Variants in KCNMA1 observed in about 807,000 individuals in gnomAD.
KCNMA1 encodes potassium calcium-activated channel subfamily M alpha 1.
A neutral mutation model predicts 140.0 loss-of-function variants in KCNMA1; 29 were observed. The observed-to-expected ratio is 0.21, with a 90% CI of 0.15 to 0.28. The LOEUF (loss-of-function observed/expected upper bound fraction) is 0.28. Among genes scored for constraint, KCNMA1 ranks in the 10% least tolerant of loss-of-function variants. The pLI is 1.00. For synonymous variants in KCNMA1, 612 were observed against 611.9 expected (o/e 1.00, Z 0.00); for missense variants, 880 against 1,602.2 (o/e 0.55, Z 7.70).
chr10:77,414,636 A>G (rs185318535), intron 1 of KCNMA1, among the ~76,000 whole-genome samples: 1 of 151,688 alleles, frequency 6.6e-6, no homozygotes, highest in Admixed American at 6.6e-5. Flanking sequence ...GATTACAGGC[A>G]CCCACCACCA....
chr10:77,623,927 T>G (rs1046886152), intron 1 of KCNMA1, among the ~76,000 whole-genome samples: 1 of 152,218 alleles, frequency 6.6e-6, no homozygotes, highest in African/African-American at 2.4e-5. Context: ...ATGGCTCCGG[T>G]AGCATAATCG....
intron 1 of KCNMA1, among the ~76,000 whole-genome samples, chr10:77,623,824 C>T (rs189225764): frequency 1.3e-5 from 2 of 152,266 alleles, no homozygotes; most frequent in Admixed American, 1.3e-4. Flanking sequence ...GCAGCAAGTC[C>T]TACACAATTA....
At chr10:77,469,848 CA>C (rs1158100845) in intron 1 of KCNMA1, among the ~76,000 whole-genome samples, 1 of 152,186 alleles carries the variant, frequency 6.6e-6, no homozygotes, top group Admixed American at 6.5e-5. Context: ...TAGCAATTCA[CA>C]ATGGGTTTGA....
chr10:76,995,325 A>T, intron 19 of KCNMA1: 1 of 234,528 alleles, frequency 4.3e-6, no homozygotes, highest in Non-Finnish European at 9.0e-6. Context: ...CTCTTTGTTA[A>T]TAAGTTATGT....
intron 1 of KCNMA1, among the ~76,000 whole-genome samples, chr10:77,591,968 C>G (rs2079317112): frequency 6.7e-6 from 1 of 150,098 alleles, no homozygotes. Context: ...CAGGTCAGGT[C>G]AGATGCTCCA....
intron 5 of KCNMA1, among the ~76,000 whole-genome samples, chr10:77,121,755 C>T (rs1258067196): frequency 6.6e-6 from 1 of 152,146 alleles, no homozygotes; most frequent in Admixed American, 6.5e-5. Context: ...AGAAGGAAAA[C>T]ACATCAAGGA....
At chr10:77,291,287 T>TA (rs1489754174) in intron 2 of KCNMA1, among the ~76,000 whole-genome samples, 1 of 152,222 alleles carries the variant, frequency 6.6e-6, no homozygotes, top group Non-Finnish European at 1.5e-5. Context: ...GAAATGTACT[T>TA]ACGGAACTTT....
chr10:77,233,967 A>G (rs1020167989), intron 3 of KCNMA1, among the ~76,000 whole-genome samples: 3 of 152,226 alleles, frequency 2.0e-5, no homozygotes, highest in Non-Finnish European at 4.4e-5. Context: ...TTAGAACAGT[A>G]TTAATGACAC....
intron 1 of KCNMA1, among the ~76,000 whole-genome samples, chr10:77,608,771 A>T (rs542674515): frequency 1.3e-5 from 2 of 152,184 alleles, no homozygotes; most frequent in Non-Finnish European, 2.9e-5. Flanking sequence ...CATCTCTATC[A>T]AAAAGAACCG....
chr10:77,524,552 G>T (rs1044916335), intron 1 of KCNMA1, among the ~76,000 whole-genome samples: 23 of 152,146 alleles, frequency 1.5e-4, no homozygotes, highest in African/African-American at 5.5e-4. Flanking sequence ...TGCAGAAACC[G>T]CAGCCTGAAT....
chr10:77,006,814 T>C (rs893506795), intron 18 of KCNMA1, among the ~76,000 whole-genome samples: 11 of 152,206 alleles, frequency 7.2e-5, no homozygotes, highest in African/African-American at 2.7e-4. Flanking sequence ...GGTATGAAAG[T>C]GGGCCATGCC....
At chr10:77,109,591 G>A (rs1255772704) in intron 8 of KCNMA1, among the ~76,000 whole-genome samples, 1 of 152,178 alleles carries the variant, frequency 6.6e-6, no homozygotes, top group Non-Finnish European at 1.5e-5. Flanking sequence ...AATACCCCAT[G>A]TGTCCGCTGC....
chr10:76,952,495 G>A (rs1033409277), intron 21 of KCNMA1, among the ~76,000 whole-genome samples: 9 of 152,258 alleles, frequency 5.9e-5, no homozygotes, highest in East Asian at 5.8e-4. Flanking sequence ...CCAGCCTGGC[G>A]ACAGAGCGAG....
At chr10:77,070,493 G>C (rs1926700) in intron 14 of KCNMA1, among the ~76,000 whole-genome samples, 1 of 152,152 alleles carries the variant, frequency 6.6e-6, no homozygotes, top group Non-Finnish European at 1.5e-5. Flanking sequence ...TTGGCTTCCA[G>C]AAATGCTAAT....
rs191263483 is a variant in KCNMA1, at chr10:76,893,552, C to G, written c.3148-1833G>C. Reference sequence around the variant, plus strand: ...GGTCAGGAGTTGGGACCAGGCTGGCCAACGTGGTGAATCCTAGTCTCTACT... The same window carrying G: ...GGTCAGGAGTTGGGACCAGGCTGGCGAACGTGGTGAATCCTAGTCTCTACT... On this transcript the variant is annotated intron_variant, in intron 25 of 27. Coordinates refer to ENST00000286628, the MANE Select transcript of KCNMA1 (RefSeq NM_001161352.2). Among the ~76,000 whole-genome samples the G allele has an allele frequency of 2.7e-3, 403 of 152,022 alleles. 3 individuals are homozygous for G. Among genetic ancestry groups the G allele is most frequent in the African/African-American group, 9.4e-3 (388 of 41,470 alleles).
intron 1 of KCNMA1, among the ~76,000 whole-genome samples, chr10:77,477,631 G>A (rs942109128): frequency 2.6e-5 from 4 of 152,178 alleles, no homozygotes; most frequent in Admixed American, 1.3e-4. Context: ...GAGTTGGGGA[G>A]TGGCACTTTG....
chr10:77,012,286 G>T, intron 17 of KCNMA1: 1 of 1,459,776 alleles, frequency 6.9e-7, no homozygotes, highest in East Asian at 2.5e-5. Flanking sequence ...CAAAGAAACT[G>T]GGAAAAAAGT....
At chr10:77,190,023 A>G (rs1360454328) in intron 3 of KCNMA1, among the ~76,000 whole-genome samples, 1 of 151,844 alleles carries the variant, frequency 6.6e-6, no homozygotes, top group Non-Finnish European at 1.5e-5. Flanking sequence ...CCTTGCCTTC[A>G]TTATTTCATG....
chr10:77,441,114 C>T (rs113469993), intron 1 of KCNMA1, among the ~76,000 whole-genome samples: 9,620 of 152,106 alleles, frequency 0.063, 1,015 homozygotes, highest in African/African-American at 0.22. Flanking sequence ...TGAGCCACCG[C>T]GCCCGGCCAA....
Sources: allele counts gnomAD v4.1 joint callset (sites outside exome capture counted in the v4.1 genomes callset), GRCh38; gene constraint gnomAD v4.1.1; transcripts MANE v1.5; gene names NCBI Gene and HGNC (gene_info 2026-07-23, HGNC 2026-07-21).